The following CEP85L variants were observed in gnomAD, a reference collection of about 807,000 sequenced individuals.
CEP85L encodes the protein centrosomal protein of 85 kDa-like.
CEP85L carries 60 observed loss-of-function variants against 100.3 expected under a neutral mutation model. The observed-to-expected ratio is 0.60, with a 90% CI of 0.49 to 0.74. The LOEUF is 0.74. CEP85L is among the 30% of genes least tolerant of loss of function. The pLI is 0.00. For synonymous variants in CEP85L, 319 were observed against 322.7 expected (o/e 0.99, Z 0.12); for missense variants, 973 against 936.2 (o/e 1.04, Z -0.51).
chr6:118,647,423 T>C (rs563830933), intron 1 of CEP85L, among the ~76,000 whole-genome samples: 12 of 152,298 alleles, frequency 7.9e-5, no homozygotes, highest in Non-Finnish European at 1.5e-4. Context: ...TGCAACGACA[T>C]GATCTCAGCC....
Position 118,491,884 on chromosome 6 carries a change from A to C in CEP85L, c.1258-19T>G, listed in dbSNP as rs1159483877. On this transcript the variant is annotated intron_variant, in intron 5 of 12. Coordinates refer to ENST00000368491, the MANE Select transcript of CEP85L (RefSeq NM_001042475.3). ...ATTGTGGCTGTTAGGAAAGAAAAAAAGGAGGTAAGACTTTAAAAGTTTGTC... is the reference window on the plus strand; with the variant it reads ...ATTGTGGCTGTTAGGAAAGAAAAAACGGAGGTAAGACTTTAAAAGTTTGTC... 1 of 1,564,726 alleles carries C rather than the reference A, an allele frequency of 6.4e-7. No individual in the cohort carries two copies. Among genetic ancestry groups the C allele is most frequent in the Non-Finnish European group, 8.6e-7 (1 of 1,157,112 alleles).
intron 1 of CEP85L, among the ~76,000 whole-genome samples, chr6:118,663,695 C>T (rs1343471371): frequency 6.6e-6 from 1 of 151,928 alleles, no homozygotes; most frequent in South Asian, 2.1e-4. Flanking sequence ...CCATTGGTAC[C>T]CAAGAGGGAT....
intron 3 of CEP85L, among the ~76,000 whole-genome samples, chr6:118,534,063 T>C (rs1007649670): frequency 7.3e-5 from 11 of 151,696 alleles, no homozygotes; most frequent in Non-Finnish European, 1.2e-4. Context: ...GATCACACGA[T>C]TGCACTCCCG....
intron 3 of CEP85L, among the ~76,000 whole-genome samples, chr6:118,526,589 T>C (rs1335405245): frequency 1.3e-5 from 2 of 152,194 alleles, no homozygotes; most frequent in Non-Finnish European, 2.9e-5. Flanking sequence ...TGAGACAGGT[T>C]TGCAGCAGAA....
At chr6:118,641,460 T>C (rs1774864769) in intron 1 of CEP85L, among the ~76,000 whole-genome samples, 1 of 152,232 alleles carries the variant, frequency 6.6e-6, no homozygotes, top group Non-Finnish European at 1.5e-5. Flanking sequence ...TTTGCTATAA[T>C]ATTTAACATA....
intron 1 of CEP85L, among the ~76,000 whole-genome samples, chr6:118,667,438 T>A (rs928321627): frequency 7.2e-5 from 11 of 152,172 alleles, no homozygotes; most frequent in African/African-American, 2.7e-4. Context: ...CTTTAATAAA[T>A]GGGCATCTTA....
At chr6:118,538,975 G>T (rs988310794) in intron 3 of CEP85L, among the ~76,000 whole-genome samples, 1 of 152,002 alleles carries the variant, frequency 6.6e-6, no homozygotes, top group African/African-American at 2.4e-5. Flanking sequence ...TGAAATAAAA[G>T]AAGTTTATCA....
At chr6:118,635,942 G>A (rs905007458) in intron 1 of CEP85L, among the ~76,000 whole-genome samples, 2 of 152,148 alleles carry the variant, frequency 1.3e-5, no homozygotes, top group African/African-American at 4.8e-5. Context: ...TCAATCATTA[G>A]TCTTGTATAA....
intron 4 of CEP85L, among the ~76,000 whole-genome samples, chr6:118,521,388 G>A (rs1307105530): frequency 1.3e-5 from 2 of 152,100 alleles, no homozygotes. Context: ...AAGCTGCTTA[G>A]TTTCTCTTCT....
upstream of CEP85L, among the ~76,000 whole-genome samples, chr6:118,656,401 G>T (rs1378865031): frequency 1.3e-5 from 2 of 152,176 alleles, no homozygotes; most frequent in Non-Finnish European, 2.9e-5. Context: ...TGAGAGTAAG[G>T]GAGTAAAAGT....
intron 3 of CEP85L, among the ~76,000 whole-genome samples, chr6:118,558,652 C>CAGAGAGAGAGAG (rs1482465423): frequency 7.1e-4 from 95 of 132,926 alleles, no homozygotes; most frequent in African/African-American, 2.8e-3. Context: ...CACACACACA[C>CAGAGAGAGAGAG]ACACACACAG....
At chr6:118,604,815 A>C (rs1772075043) in intron 2 of CEP85L, among the ~76,000 whole-genome samples, 1 of 152,202 alleles carries the variant, frequency 6.6e-6, no homozygotes, top group Admixed American at 6.5e-5. Context: ...CTAATATCTG[A>C]CCTTAATTTA....
intron 5 of CEP85L, among the ~76,000 whole-genome samples, chr6:118,504,219 A>G (rs553683983): frequency 6.6e-6 from 1 of 152,200 alleles, no homozygotes; most frequent in African/African-American, 2.4e-5. Flanking sequence ...CACTAAAAAT[A>G]CAAAAATTAG....
At chr6:118,520,752 CA>C (rs1393181869) in intron 4 of CEP85L, among the ~76,000 whole-genome samples, 2 of 152,144 alleles carry the variant, frequency 1.3e-5, no homozygotes, top group African/African-American at 4.8e-5. Context: ...GCTAAACTTT[CA>C]AAAAACTTCA....
At chr6:118,483,919 CAA>C in intron 6 of CEP85L, 61 bp from the exon 7 acceptor site, 1 of 1,479,516 alleles carries the variant, frequency 6.8e-7, no homozygotes, top group South Asian at 1.2e-5. Flanking sequence ...ATAACAAAAC[CAA>C]CACTTTAATA....
intron 2 of CEP85L, among the ~76,000 whole-genome samples, chr6:118,577,129 T>A (rs1056485231): frequency 6.6e-6 from 1 of 152,162 alleles, no homozygotes; most frequent in African/African-American, 2.4e-5. Context: ...ACTACAAATA[T>A]CAATTTCACC....
chr6:118,623,387 A>G (rs1424429776), intron 2 of CEP85L, among the ~76,000 whole-genome samples: 1 of 152,234 alleles, frequency 6.6e-6, no homozygotes, highest in African/African-American at 2.4e-5. Context: ...GAGAAGGCCC[A>G]AGAAGTAGTT....
chr6:118,540,320 A>T (rs1777837354), intron 3 of CEP85L, among the ~76,000 whole-genome samples: 1 of 152,196 alleles, frequency 6.6e-6, no homozygotes, highest in African/African-American at 2.4e-5. Flanking sequence ...AATGTTTATT[A>T]ACTACTGACT....
At chr6:118,651,625 C>A, upstream of CEP85L, 1 of 990,982 alleles carries the variant, frequency 1.0e-6, no homozygotes, top group Non-Finnish European at 1.2e-6. Flanking sequence ...AGAGCCGGGG[C>A]TGGGGCCGCG....
Sources: gnomAD v4.1 joint callset for allele counts (sites outside exome capture counted in the v4.1 genomes callset) on GRCh38, gnomAD v4.1.1 for gene constraint, MANE v1.5 for transcripts, NCBI Gene and HGNC (gene_info 2026-07-23, HGNC 2026-07-21) for gene names.